The following GMCL1 variants were observed in gnomAD, a reference collection of about 807,000 sequenced individuals.
GMCL1 encodes the protein germ cell-less 1, spermatogenesis associated.
In GMCL1, 54 loss-of-function variants were observed where a neutral mutation model predicts 75.5. That is an observed-to-expected ratio of 0.71 (90% CI 0.57 to 0.90). The LOEUF is 0.90. GMCL1 is among the 40% of genes least tolerant of loss of function. GMCL1 has a pLI of 0.00. For missense variants in GMCL1, 537 were observed against 622.7 expected (o/e 0.86, Z 1.47); for synonymous variants, 210 against 209.6 (o/e 1.00, Z -0.02).
At chr2:69,860,338 A>G (rs1180592814) in intron 9 of GMCL1, among the ~76,000 whole-genome samples, 1 of 152,062 alleles carries the variant, frequency 6.6e-6, no homozygotes, top group Admixed American at 6.6e-5. Context: ...TAATGTTTCC[A>G]CTTACACAGG....
At chr2:69,849,828 A>G (rs988900901) in intron 8 of GMCL1, 86 bp downstream of exon 8, 19 of 703,136 alleles carry the variant, frequency 2.7e-5, no homozygotes, top group Non-Finnish European at 4.3e-5. Flanking sequence ...AAATAAATTA[A>G]TTAATTAAAT....
rs1263895591 is a variant in GMCL1 at position 69,881,369 on chromosome 2, AGTATT to A, written c.*2370_*2374del. 3 of 152,366 alleles carry A rather than the reference AGTATT, an allele frequency of 2.0e-5. No individual in the cohort carries two copies. The East Asian group carries it at 5.8e-4, about 29-fold the overall frequency. 9.4% of individuals were successfully genotyped at this position (152,366 alleles called of 1,614,324 possible). A position where few individuals can be genotyped will look rare whatever the true frequency, so the allele number is the denominator to read the frequency against. ...ATAAAGTGTTAATAGTGTAAGATAA[AGTATT>A]GTATAAACCATGGTTTGTGAAAGCT... is the stretch of plus-strand genomic sequence containing the variant. On this transcript the variant is annotated 3_prime_UTR_variant, in exon 14 of 14. Transcript: ENST00000282570.
intron 10 of GMCL1, among the ~76,000 whole-genome samples, chr2:69,864,349 C>A (rs1675745988): frequency 6.6e-6 from 1 of 151,792 alleles, no homozygotes; most frequent in African/African-American, 2.4e-5. Context: ...ATATTTATTA[C>A]AACTTTAGAT....
intron 10 of GMCL1, among the ~76,000 whole-genome samples, chr2:69,863,419 A>C (rs1238071606): frequency 6.6e-6 from 1 of 152,212 alleles, no homozygotes; most frequent in Non-Finnish European, 1.5e-5. Flanking sequence ...ATGCTAGGTT[A>C]TAATCTGGTG....
Position 69,829,722 on chromosome 2 carries a change from T to C in GMCL1, c.-171T>C. On this transcript the variant is annotated 5_prime_UTR_variant, in exon 1 of 14. Coordinates refer to ENST00000282570, the MANE Select transcript of GMCL1 (RefSeq NM_178439.5). ...GCTAGAGCGCGGCGCGACCGGACGC[T>C]GCGGGCGGGGAAGAGGATGGAGACT... 2 of 727,634 alleles carry C rather than the reference T, an allele frequency of 2.7e-6. No individual in the cohort carries two copies. The highest frequency in any genetic ancestry group is 6.0e-5 in the East Asian group (2 of 33,396). 45.1% of individuals were successfully genotyped at this position (727,634 alleles called of 1,614,324 possible). A position where few individuals can be genotyped will look rare whatever the true frequency, so the allele number is the denominator to read the frequency against.
intron 10 of GMCL1, among the ~76,000 whole-genome samples, chr2:69,863,102 A>G (rs1675706305): frequency 6.6e-6 from 1 of 152,182 alleles, no homozygotes; most frequent in Admixed American, 6.5e-5. Flanking sequence ...AATTGGTTTC[A>G]GGACCCCTGC....
At chr2:69,874,230 A>G (rs1022483503) in intron 13 of GMCL1, among the ~76,000 whole-genome samples, 1 of 152,174 alleles carries the variant, frequency 6.6e-6, no homozygotes, top group African/African-American at 2.4e-5. Flanking sequence ...ATTGCCCTCC[A>G]AAGCTACTGT....
chr2:69,830,182 C>G, intron 1 of GMCL1, 30 bp downstream of exon 1: 1 of 1,542,690 alleles, frequency 6.5e-7, no homozygotes, highest in African/African-American at 1.4e-5. Flanking sequence ...CGCGCGGACC[C>G]GGACCCGCAC....
At chr2:69,835,322 G>T (rs10202159) in intron 1 of GMCL1, among the ~76,000 whole-genome samples, 90,276 of 151,862 alleles carry the variant, frequency 0.59, 29,256 homozygotes, top group African/African-American at 0.86. Flanking sequence ...TATCATAGCA[G>T]TCTATGGGGT....
chr2:69,857,778 A>T (rs180682668), intron 9 of GMCL1, among the ~76,000 whole-genome samples: 134 of 152,332 alleles, frequency 8.8e-4, no homozygotes, highest in African/African-American at 3.1e-3. Flanking sequence ...TATGTGTTTC[A>T]TAAGTTGTTC....
At chr2:69,835,438 C>T (rs1674792298) in intron 1 of GMCL1, among the ~76,000 whole-genome samples, 1 of 151,666 alleles carries the variant, frequency 6.6e-6, no homozygotes, top group Non-Finnish European at 1.5e-5. Context: ...CTCTCTGTCT[C>T]TCTGATATGC....
At chr2:69,836,817 G>C (rs1558536622) in intron 1 of GMCL1, among the ~76,000 whole-genome samples, 1 of 152,178 alleles carries the variant, frequency 6.6e-6, no homozygotes, top group Non-Finnish European at 1.5e-5. Flanking sequence ...TATGTTTACA[G>C]ATAGAATAGG....
chr2:69,844,857 A>G, intron 6 of GMCL1: 1 of 379,794 alleles, frequency 2.6e-6, no homozygotes, highest in South Asian at 2.0e-5. Context: ...GGTCTTCTGA[A>G]CCAGGTCAAG....
At chr2:69,843,090 G>A in intron 4 of GMCL1, 59 bp from the exon 5 acceptor site, 1 of 720,964 alleles carries the variant, frequency 1.4e-6, no homozygotes, top group Non-Finnish European at 2.3e-6. Context: ...TGTAAAAGCT[G>A]TCAGAGCTAA....
intron 4 of GMCL1, among the ~76,000 whole-genome samples, chr2:69,841,807 AAG>A (rs1674995421): frequency 6.6e-6 from 1 of 152,196 alleles, no homozygotes. Context: ...GCAAAGTAAG[AAG>A]AGGGGAAGGA....
At position 69,861,636 on chromosome 2, in the gene GMCL1, C is replaced by G. The variant is rs149886915; in HGVS notation, c.1142+289C>G. Among the ~76,000 whole-genome samples the G allele has an allele frequency of 4.5e-3, 690 of 152,192 alleles. 7 individuals carry two copies. Among genetic ancestry groups the G allele is most frequent in the African/African-American group, 0.014 (594 of 41,534 alleles). ...CACTTAGTATCATATGATTTTCTTT[C>G]AACATACTGAACTATTATTTGAGGT... On this transcript the variant is annotated intron_variant, in intron 10 of 13. Coordinates refer to ENST00000282570, the MANE Select transcript of GMCL1 (RefSeq NM_178439.5).
intron 1 of GMCL1, 131 bp downstream of exon 1, chr2:69,830,283 T>C: frequency 8.1e-7 from 1 of 1,235,528 alleles, no homozygotes; most frequent in South Asian, 1.6e-5. Context: ...CTTGACAGGG[T>C]GAATGTGGAA....
chr2:69,854,295 G>A (rs1475568845), intron 8 of GMCL1, among the ~76,000 whole-genome samples: 3 of 152,116 alleles, frequency 2.0e-5, no homozygotes, highest in Non-Finnish European at 2.9e-5. Context: ...GATCACAGGC[G>A]TGAGCCACCA....
chr2:69,832,298 A>G (rs1283890237), intron 1 of GMCL1, among the ~76,000 whole-genome samples: 1 of 152,180 alleles, frequency 6.6e-6, no homozygotes, highest in Non-Finnish European at 1.5e-5. Context: ...TAAATTGGAG[A>G]TATAAATACC....
Sources: allele counts gnomAD v4.1 joint callset (sites outside exome capture counted in the v4.1 genomes callset), GRCh38; gene constraint gnomAD v4.1.1; transcripts MANE v1.5; gene names NCBI Gene and HGNC (gene_info 2026-07-23, HGNC 2026-07-21).